DNM3: variants seen among roughly 807,000 people sequenced by gnomAD.
DNM3 encodes dynamin-3.
Under a neutral mutation model 101.6 loss-of-function variants are expected in DNM3, and 47 were observed. The ratio of observed to expected loss-of-function variants is 0.46; its 90% CI spans 0.37 to 0.59. The LOEUF (loss-of-function observed/expected upper bound fraction) is 0.59, where lower values mean the gene tolerates loss of function less well. DNM3 is among the 20% of genes least tolerant of loss of function. DNM3 has a pLI of 0.00. For missense variants in DNM3, 849 were observed against 1,085.7 expected, an observed-to-expected ratio of 0.78 and a Z score of 3.06; for synonymous variants, 385 against 387.9, an observed-to-expected ratio of 0.99 and a Z score of 0.09.
intron 15 of DNM3, among the ~76,000 whole-genome samples, chr1:172,304,492 A>T (rs565691716): frequency 1.4e-3 from 209 of 152,282 alleles, no homozygotes; most frequent in African/African-American, 4.9e-3. Context: ...AAGGTTAACA[A>T]GGATATCAAG....
At chr1:172,009,674 C>T (rs1156451025) in intron 4 of DNM3, among the ~76,000 whole-genome samples, 1 of 151,472 alleles carries the variant, frequency 6.6e-6, no homozygotes, top group Non-Finnish European at 1.5e-5. Flanking sequence ...TAGGAGAGAA[C>T]TGACTTAACA....
intron 13 of DNM3, among the ~76,000 whole-genome samples, chr1:172,123,720 T>C (rs2056454087): frequency 6.6e-6 from 1 of 152,204 alleles, no homozygotes; most frequent in African/African-American, 2.4e-5. Flanking sequence ...TTACTCCTCC[T>C]GGGGAGGACT....
chr1:172,104,853 C>T (rs562860807), intron 13 of DNM3, among the ~76,000 whole-genome samples: 1 of 152,182 alleles, frequency 6.6e-6, no homozygotes, highest in Non-Finnish European at 1.5e-5. Flanking sequence ...GAGGCACTAA[C>T]TTACAGAGCA....
intron 17 of DNM3, among the ~76,000 whole-genome samples, chr1:172,330,150 G>A (rs1325813822): frequency 1.3e-5 from 2 of 152,132 alleles, no homozygotes; most frequent in Non-Finnish European, 1.5e-5. Context: ...TTTATCAAAT[G>A]ATTCCATAAT....
intron 10 of DNM3, among the ~76,000 whole-genome samples, chr1:172,060,177 C>T (rs1211620888): frequency 7.2e-6 from 1 of 139,576 alleles, no homozygotes; most frequent in African/African-American, 2.7e-5. Flanking sequence ...CTACAAACCA[C>T]TGCTCAAGGA....
chr1:171,921,909 G>A (rs190991873), intron 2 of DNM3, 88 bp downstream of exon 2: 159 of 1,218,154 alleles, frequency 1.3e-4, no homozygotes, highest in African/African-American at 1.8e-4. Flanking sequence ...AAATAGAAAC[G>A]TTTTTGTGAT....
chr1:172,134,922 T>C (rs944290229), intron 14 of DNM3, among the ~76,000 whole-genome samples: 6 of 152,098 alleles, frequency 3.9e-5, no homozygotes, highest in Non-Finnish European at 5.9e-5. Context: ...GATGAGGATT[T>C]TGATATTAAG....
chr1:171,962,050 G>A (rs1227508990), intron 2 of DNM3, among the ~76,000 whole-genome samples: 1 of 152,078 alleles, frequency 6.6e-6, no homozygotes, highest in East Asian at 1.9e-4. Context: ...ACATGGTTAG[G>A]GGGAAGAGTT....
At chr1:171,842,626 G>A (rs189049834) in intron 1 of DNM3, among the ~76,000 whole-genome samples, 1 of 151,886 alleles carries the variant, frequency 6.6e-6, no homozygotes, top group Non-Finnish European at 1.5e-5. Context: ...CATCTTTCTC[G>A]CACTCTCTCT....
intron 16 of DNM3, among the ~76,000 whole-genome samples, chr1:172,317,856 A>G (rs1321136737): frequency 6.6e-6 from 1 of 152,236 alleles, no homozygotes; most frequent in Non-Finnish European, 1.5e-5. Flanking sequence ...TCCAATCAAT[A>G]GAAAAAGAGG....
chr1:172,318,943 C>A (rs1293476242), intron 16 of DNM3, among the ~76,000 whole-genome samples: 1 of 152,004 alleles, frequency 6.6e-6, no homozygotes, highest in African/African-American at 2.4e-5. Context: ...AATCCTAAGC[C>A]AAAAGAACAA....
Position 172,350,231 on chromosome 1 carries a change from G to A in DNM3, c.1893+26891G>A, listed in dbSNP as rs562946620. Among the ~76,000 whole-genome samples the A allele has an allele frequency of 7.2e-5, 11 of 152,114 alleles. 1 individual carries two copies. Among genetic ancestry groups the A allele is most frequent in the Admixed American group, 5.9e-4 (9 of 15,278 alleles). ...CTGGGTGATTAGTGGCAGTTGACTT[G>A]GAGTTTCAGCCCTTCCTCAGGACTT... is the stretch of plus-strand genomic sequence containing the variant. On this transcript the variant is annotated intron_variant, in intron 17 of 20. Coordinates refer to ENST00000627582, the MANE Select transcript of DNM3 (RefSeq NM_015569.5).
At chr1:172,392,535 G>C (rs1273203127) in intron 20 of DNM3, among the ~76,000 whole-genome samples, 1 of 152,172 alleles carries the variant, frequency 6.6e-6, no homozygotes, top group Non-Finnish European at 1.5e-5. Flanking sequence ...CTTTAGAGCT[G>C]ATGTAACTAT....
chr1:172,240,868 A>G (rs1023095199), intron 14 of DNM3, among the ~76,000 whole-genome samples: 9 of 152,278 alleles, frequency 5.9e-5, no homozygotes, highest in Non-Finnish European at 1.0e-4. Context: ...GCACAAAAAG[A>G]AATAGGAAAA....
intron 15 of DNM3, among the ~76,000 whole-genome samples, chr1:172,290,487 G>T (rs1052187131): frequency 9.9e-5 from 15 of 152,132 alleles, no homozygotes; most frequent in Non-Finnish European, 2.1e-4. Context: ...GAATGAGGAT[G>T]GGAAGAATGA....
intron 12 of DNM3, among the ~76,000 whole-genome samples, chr1:172,086,547 G>A (rs1044635455): frequency 6.6e-6 from 1 of 152,074 alleles, no homozygotes; most frequent in Non-Finnish European, 1.5e-5. Context: ...TGTGGGTAGT[G>A]CAATGAAGGC....
chr1:172,195,955 G>A (rs919927741), intron 14 of DNM3, among the ~76,000 whole-genome samples: 10 of 151,012 alleles, frequency 6.6e-5, no homozygotes, highest in Admixed American at 2.6e-4. Flanking sequence ...GGTTTGTTAC[G>A]TAGGTAAACT....
intron 14 of DNM3, among the ~76,000 whole-genome samples, chr1:172,194,557 A>G (rs541559464): frequency 7.9e-5 from 12 of 152,240 alleles, no homozygotes; most frequent in African/African-American, 2.6e-4. Context: ...TATTGGGTGC[A>G]TATATATTTA....
chr1:172,274,689 T>TGAA (rs1300146009), intron 15 of DNM3, among the ~76,000 whole-genome samples: 1 of 151,506 alleles, frequency 6.6e-6, no homozygotes, highest in African/African-American at 2.4e-5. Flanking sequence ...AGAATTTCCC[T>TGAA]GAAACACTGG....
Sources: allele counts gnomAD v4.1 joint callset (sites outside exome capture counted in the v4.1 genomes callset), GRCh38; gene constraint gnomAD v4.1.1; transcripts MANE v1.5; gene names NCBI Gene and HGNC (gene_info 2026-07-23, HGNC 2026-07-21).